The following NRXN3 variants were observed in gnomAD, a reference collection of about 807,000 sequenced individuals.
NRXN3 encodes neurexin III.
In NRXN3, 32 loss-of-function variants were observed where a neutral mutation model predicts 137.6. That is an observed-to-expected ratio of 0.23 (90% confidence interval 0.18 to 0.31). The LOEUF is 0.31. Among genes scored for constraint, NRXN3 ranks in the 10% least tolerant of loss-of-function variants. NRXN3 has a pLI of 1.00. For missense variants in NRXN3, 1,574 were observed against 2,062.5 expected (o/e 0.76, Z 4.59); for synonymous variants, 798 against 784.5 (o/e 1.02, Z -0.29).
At chr14:78,778,748 TTCCTTCTTTC>T (rs2098755329) in intron 8 of NRXN3, among the ~76,000 whole-genome samples, 17 of 134,952 alleles carry the variant, frequency 1.3e-4, no homozygotes, top group Non-Finnish European at 1.1e-4. Flanking sequence ...CTTTCTTTCT[TTCCTTCTTTC>T]TCTTTCTTTC....
chr14:79,591,887 G>C (rs2097806810), intron 16 of NRXN3, among the ~76,000 whole-genome samples: 1 of 152,012 alleles, frequency 6.6e-6, no homozygotes, highest in Non-Finnish European at 1.5e-5. Flanking sequence ...TGTTTGGATT[G>C]AGCAATGGTT....
intron 4 of NRXN3, among the ~76,000 whole-genome samples, chr14:78,570,310 A>G (rs1396005073): frequency 6.6e-6 from 1 of 152,014 alleles, no homozygotes; most frequent in Non-Finnish European, 1.5e-5. Flanking sequence ...GAGGGCTATC[A>G]CCAGAAGCTG....
chr14:79,481,963 T>C (rs1001366912), intron 16 of NRXN3, among the ~76,000 whole-genome samples: 7 of 152,096 alleles, frequency 4.6e-5, no homozygotes, highest in Admixed American at 2.0e-4. Flanking sequence ...TTGTCAGAAG[T>C]GCAAAAGCCT....
Position 78,433,324 on chromosome 14 carries a change from A to G in NRXN3, c.757+135464A>G, listed in dbSNP as rs1047704546. On this transcript the variant is annotated intron_variant, in intron 4 of 20. Transcript: ENST00000335750. ...ATGCTTCAAATCTCTGATTTCTGCT[A>G]CTTGCTGGTGAAAATGCTCTGCCTT... 4.6e-5 allele frequency among the ~76,000 whole-genome samples: 7 copies of G among 152,240 alleles called. No individual in the cohort carries two copies. The East Asian group carries it at 7.7e-4, about 17-fold the overall frequency.
intron 15 of NRXN3, among the ~76,000 whole-genome samples, chr14:79,041,265 T>C (rs8008393): frequency 0.51 from 77,675 of 152,088 alleles, 22,673 homozygotes; most frequent in East Asian, 0.78. Context: ...AGTTCAGAAA[T>C]TTTTGTGAAA....
chr14:78,491,420 G>A (rs1054510475), intron 4 of NRXN3, among the ~76,000 whole-genome samples: 11 of 152,170 alleles, frequency 7.2e-5, no homozygotes, highest in African/African-American at 2.7e-4. Context: ...AATGAAGCGA[G>A]CGAGGAGTGA....
intron 16 of NRXN3, among the ~76,000 whole-genome samples, chr14:79,623,187 C>T (rs1415412286): frequency 6.6e-6 from 1 of 152,134 alleles, no homozygotes; most frequent in Non-Finnish European, 1.5e-5. Flanking sequence ...ACTCATCATC[C>T]CCATACCATG....
chr14:78,971,620 T>A (rs1284961796), intron 14 of NRXN3, among the ~76,000 whole-genome samples: 1 of 152,128 alleles, frequency 6.6e-6, no homozygotes, highest in Non-Finnish European at 1.5e-5. Context: ...AAATTATTTT[T>A]ATTTATTTTA....
intron 16 of NRXN3, among the ~76,000 whole-genome samples, chr14:79,547,972 G>A (rs756514146): frequency 6.6e-6 from 1 of 152,030 alleles, no homozygotes; most frequent in East Asian, 1.9e-4. Context: ...GCTAGGAGAG[G>A]AAGTGTCAGT....
intron 4 of NRXN3, among the ~76,000 whole-genome samples, chr14:78,380,072 A>C (rs2088751142): frequency 6.6e-6 from 1 of 152,150 alleles, no homozygotes; most frequent in Non-Finnish European, 1.5e-5. Flanking sequence ...TGCTAAAAGA[A>C]ATAAAATCTA....
intron 16 of NRXN3, among the ~76,000 whole-genome samples, chr14:79,501,242 G>T (rs1212824876): frequency 1.3e-5 from 2 of 152,058 alleles, no homozygotes; most frequent in African/African-American, 4.8e-5. Context: ...ATTAAGCTTT[G>T]ATTAAGATGC....
At chr14:79,784,841 C>A (rs1212494626) in intron 19 of NRXN3, among the ~76,000 whole-genome samples, 1 of 152,078 alleles carries the variant, frequency 6.6e-6, no homozygotes, top group Non-Finnish European at 1.5e-5. Flanking sequence ...CACACAGACA[C>A]ACAGGTGTGA....
intron 19 of NRXN3, among the ~76,000 whole-genome samples, chr14:79,774,117 A>G (rs1382686634): frequency 6.6e-6 from 1 of 152,160 alleles, no homozygotes; most frequent in East Asian, 1.9e-4. Flanking sequence ...TACGTGATTT[A>G]TGATGAAAAT....
intron 4 of NRXN3, among the ~76,000 whole-genome samples, chr14:78,425,853 C>A (rs1430266230): frequency 6.6e-6 from 1 of 152,206 alleles, no homozygotes; most frequent in East Asian, 1.9e-4. Context: ...GGAACTGCAG[C>A]ACCTAATTAA....
intron 10 of NRXN3, among the ~76,000 whole-genome samples, chr14:78,818,631 G>A (rs894454547): frequency 6.6e-6 from 1 of 152,128 alleles, no homozygotes; most frequent in Non-Finnish European, 1.5e-5. Context: ...TTTCATGAAG[G>A]AAGATGAACG....
intron 16 of NRXN3, among the ~76,000 whole-genome samples, chr14:79,612,927 A>C (rs1213971100): frequency 6.6e-6 from 1 of 152,234 alleles, no homozygotes; most frequent in Non-Finnish European, 1.5e-5. Context: ...ACACTGCCTT[A>C]GTTTTTTAAG....
At chr14:78,767,027 C>T (rs749978248) in intron 8 of NRXN3, among the ~76,000 whole-genome samples, 1 of 152,208 alleles carries the variant, frequency 6.6e-6, no homozygotes, top group African/African-American at 2.4e-5. Flanking sequence ...GACTTAGCTG[C>T]TTAAAACAAC....
In NRXN3 at chr14:78,691,784, G is replaced by T. The variant is rs146325813; in HGVS notation, c.1222-17433G>T. ...GATTAGGCCAGAGGAGGAGGATGCC[G>T]CTATTCACTTCTAACCTCCATCCTT... On this transcript the variant is annotated intron_variant, in intron 6 of 20. Coordinates refer to ENST00000335750, the MANE Select transcript of NRXN3 (RefSeq NM_001330195.2). 3.5e-4 allele frequency among the ~76,000 whole-genome samples: 53 copies of T among 152,208 alleles called. 1 individual carries two copies. The East Asian group carries it at 0.01, about 29-fold the overall frequency.
intron 16 of NRXN3, among the ~76,000 whole-genome samples, chr14:79,522,527 G>T (rs1047507766): frequency 6.6e-6 from 1 of 152,108 alleles, no homozygotes; most frequent in Non-Finnish European, 1.5e-5. Context: ...GAGATAGCAA[G>T]ACTTAAGGAT....
Sources: allele counts gnomAD v4.1 joint callset (sites outside exome capture counted in the v4.1 genomes callset), GRCh38; gene constraint gnomAD v4.1.1; transcripts MANE v1.5; gene names NCBI Gene and HGNC (gene_info 2026-07-23, HGNC 2026-07-21).